The following ATF7IP2 variants were observed in gnomAD, a reference collection of about 807,000 sequenced individuals.
The protein encoded by ATF7IP2 is activating transcription factor 7-interacting protein 2.
A neutral mutation model predicts 64.2 loss-of-function variants in ATF7IP2; 42 were observed. That is an observed-to-expected ratio of 0.65 (90% CI 0.51 to 0.85). The LOEUF (loss-of-function observed/expected upper bound fraction) is 0.85, where lower values mean the gene tolerates loss of function less well. Among genes scored for constraint, ATF7IP2 ranks in the 40% least tolerant of loss-of-function variants. The pLI is 0.00. For synonymous variants in ATF7IP2, 308 were observed against 272.8 expected (o/e 1.13, Z -1.27); for missense variants, 933 against 784.2 (o/e 1.19, Z -2.27).
At chr16:10,452,877 G>A (rs1025202050) in intron 8 of ATF7IP2, among the ~76,000 whole-genome samples, 2 of 152,128 alleles carry the variant, frequency 1.3e-5, no homozygotes, top group Admixed American at 1.3e-4. Flanking sequence ...GGCTTTGTTT[G>A]CACTGTGAGG....
intron 2 of ATF7IP2, among the ~76,000 whole-genome samples, chr16:10,418,527 C>G (rs544921154): frequency 3.6e-4 from 55 of 152,306 alleles, no homozygotes; most frequent in African/African-American, 1.2e-3. Flanking sequence ...ACAAAGACAA[C>G]ACAGATTAAA....
At chr16:10,468,099 C>T (rs949777144) in intron 9 of ATF7IP2, among the ~76,000 whole-genome samples, 2 of 150,000 alleles carry the variant, frequency 1.3e-5, no homozygotes, top group African/African-American at 5.0e-5. Flanking sequence ...AGGCTGGTCT[C>T]GAACTCCCGA....
At chr16:10,444,559 G>T (rs978553890) in intron 8 of ATF7IP2, among the ~76,000 whole-genome samples, 1 of 152,156 alleles carries the variant, frequency 6.6e-6, no homozygotes, top group Non-Finnish European at 1.5e-5. Context: ...GTCTTTTTGA[G>T]GGGCAGTTCG....
chr16:10,475,126 A>G (rs1306917708), intron 12 of ATF7IP2, among the ~76,000 whole-genome samples: 2 of 152,134 alleles, frequency 1.3e-5, no homozygotes, highest in African/African-American at 4.8e-5. Context: ...ATGATAGTAA[A>G]AGATACCAGA....
intron 1 of ATF7IP2, among the ~76,000 whole-genome samples, chr16:10,402,156 C>T (rs2047547673): frequency 6.6e-6 from 1 of 152,030 alleles, no homozygotes; most frequent in Non-Finnish European, 1.5e-5. Context: ...TTTTTCTAGT[C>T]TCTTGAGGTA....
At chr16:10,459,828 A>C (rs2049314918) in intron 9 of ATF7IP2, among the ~76,000 whole-genome samples, 1 of 152,202 alleles carries the variant, frequency 6.6e-6, no homozygotes, top group South Asian at 2.1e-4. Context: ...TCCCTAAGAC[A>C]AATCTGATGG....
At chr16:10,408,552 G>A (rs927101978) in intron 1 of ATF7IP2, among the ~76,000 whole-genome samples, 1 of 152,080 alleles carries the variant, frequency 6.6e-6, no homozygotes, top group African/African-American at 2.4e-5. Context: ...AGGTGGTATT[G>A]CACTGTGGTT....
At chr16:10,477,315 T>C (rs2050046675) in intron 12 of ATF7IP2, among the ~76,000 whole-genome samples, 1 of 152,222 alleles carries the variant, frequency 6.6e-6, no homozygotes, top group South Asian at 2.1e-4. Flanking sequence ...GAACCAGCCT[T>C]GCATCCCAGG....
At chr16:10,463,470 C>G (rs962052716) in intron 9 of ATF7IP2, among the ~76,000 whole-genome samples, 4 of 152,216 alleles carry the variant, frequency 2.6e-5, no homozygotes, top group African/African-American at 7.2e-5. Flanking sequence ...CCTTAGATGA[C>G]TTGCTCTGGA....
chr16:10,406,056 T>G (rs1008595074), intron 1 of ATF7IP2, among the ~76,000 whole-genome samples: 38 of 151,406 alleles, frequency 2.5e-4, no homozygotes, highest in Non-Finnish European at 1.3e-4. Context: ...GCCACTGCAC[T>G]CCAGCCTGGG....
At chr16:10,460,754 G>C (rs1196154344) in intron 9 of ATF7IP2, among the ~76,000 whole-genome samples, 1 of 152,120 alleles carries the variant, frequency 6.6e-6, no homozygotes, top group African/African-American at 2.4e-5. Context: ...AAAGCTTTTA[G>C]AATATATAAT....
intron 1 of ATF7IP2, among the ~76,000 whole-genome samples, chr16:10,394,938 C>T (rs1173841336): frequency 6.6e-6 from 1 of 151,730 alleles, no homozygotes; most frequent in African/African-American, 2.4e-5. Flanking sequence ...AAAACTGGAA[C>T]TAGAAGAACA....
Position 10,473,542 on chromosome 16 carries a change from A to G in ATF7IP2, c.1482+8A>G. The G allele has an allele frequency of 6.6e-7, 1 of 1,525,962 alleles. No individual in the cohort carries two copies. Among genetic ancestry groups the G allele is most frequent in the Non-Finnish European group, 9.0e-7 (1 of 1,109,504 alleles). 94.5% of individuals were successfully genotyped at this position (1,525,962 alleles called of 1,614,324 possible). On this transcript the variant is annotated splice_region_variant and intron_variant, in intron 11 of 13. Transcript: ENST00000562102. Reference sequence around the variant, plus strand: ...CCCAATGCTGAAGTTATGGTGAGTAATAAATATTGACTCTGAATATTGTTT... The same window carrying G: ...CCCAATGCTGAAGTTATGGTGAGTAGTAAATATTGACTCTGAATATTGTTT...
chr16:10,393,874 C>G (rs1156729779), intron 1 of ATF7IP2, among the ~76,000 whole-genome samples: 2 of 152,056 alleles, frequency 1.3e-5, no homozygotes, highest in African/African-American at 2.4e-5. Context: ...GACCTTGTCT[C>G]TACAAAAAAA....
At chr16:10,419,928 G>A (rs1445357259) in intron 3 of ATF7IP2, among the ~76,000 whole-genome samples, 1 of 152,216 alleles carries the variant, frequency 6.6e-6, no homozygotes, top group East Asian at 1.9e-4. Flanking sequence ...TTCTGTAGAT[G>A]CTGTTCAGCT....
intron 12 of ATF7IP2, among the ~76,000 whole-genome samples, chr16:10,475,417 C>T (rs918872485): frequency 3.3e-5 from 5 of 152,064 alleles, no homozygotes; most frequent in Non-Finnish European, 5.9e-5. Context: ...ACTGGCTGGG[C>T]GCGGTGGCTC....
chr16:10,433,985 C>CTTATTAA (rs1478223964), intron 6 of ATF7IP2, among the ~76,000 whole-genome samples: 8 of 152,114 alleles, frequency 5.3e-5, no homozygotes, highest in African/African-American at 1.9e-4. Flanking sequence ...TTAAAGAATC[C>CTTATTAA]AGTCTCTTTT....
intron 1 of ATF7IP2, among the ~76,000 whole-genome samples, chr16:10,389,570 C>T (rs1012884365): frequency 1.2e-4 from 19 of 152,088 alleles, no homozygotes; most frequent in African/African-American, 4.6e-4. Context: ...CATATGTGAG[C>T]TAAATCTTCA....
intron 1 of ATF7IP2, among the ~76,000 whole-genome samples, chr16:10,398,199 G>A (rs1322406580): frequency 1.3e-5 from 2 of 152,006 alleles, no homozygotes; most frequent in Non-Finnish European, 2.9e-5. Flanking sequence ...AGCAACTCGG[G>A]AGGCTGAGGC....
Sources: gnomAD v4.1 joint callset for allele counts (sites outside exome capture counted in the v4.1 genomes callset) on GRCh38, gnomAD v4.1.1 for gene constraint, MANE v1.5 for transcripts, NCBI Gene and HGNC (gene_info 2026-07-23, HGNC 2026-07-21) for gene names.